ISCA1: variants seen among roughly 807,000 people sequenced by gnomAD.
The protein encoded by ISCA1 is iron-sulfur cluster assembly 1, also known as iron-sulfur cluster assembly 1 homolog, mitochondrial.
A neutral mutation model predicts 14.7 loss-of-function variants in ISCA1; 9 were observed. The ratio of observed to expected loss-of-function variants is 0.61; its 90% CI spans 0.37 to 1.07. The LOEUF (loss-of-function observed/expected upper bound fraction) is 1.07, where lower values mean the gene tolerates loss of function less well. Among genes scored for constraint, ISCA1 ranks in the 50% least tolerant of loss-of-function variants. The pLI, the probability that ISCA1 is intolerant of heterozygous loss-of-function variation, is 0.01. For missense variants in ISCA1, 102 were observed against 150.1 expected, an observed-to-expected ratio of 0.68 and a Z score of 1.67; for synonymous variants, 38 against 54.3, an observed-to-expected ratio of 0.70 and a Z score of 1.32.
At chr9:86,280,531 G>A (rs763763613) in intron 1 of ISCA1, among the ~76,000 whole-genome samples, 3 of 149,996 alleles carry the variant, frequency 2.0e-5, no homozygotes, top group Non-Finnish European at 2.9e-5. Flanking sequence ...GTAGGCAGAG[G>A]CTGCAGTGAG....
chr9:86,266,266 C>A (rs1825292315), intron 3 of ISCA1, 75 bp from the exon 4 acceptor site: 1 of 1,513,782 alleles, frequency 6.6e-7, no homozygotes, highest in Non-Finnish European at 8.8e-7. Flanking sequence ...CACAAGTGAA[C>A]TTGAAATAGT....
At chr9:86,278,016 T>G (rs1485691423) in intron 1 of ISCA1, among the ~76,000 whole-genome samples, 4 of 152,244 alleles carry the variant, frequency 2.6e-5, no homozygotes, top group Admixed American at 1.3e-4. Flanking sequence ...ATCCTGTATT[T>G]CTTTAAGTAA....
intron 1 of ISCA1, among the ~76,000 whole-genome samples, chr9:86,275,158 T>A (rs988921931): frequency 1.3e-5 from 2 of 152,138 alleles, no homozygotes; most frequent in African/African-American, 4.8e-5. Flanking sequence ...ATTAAATATT[T>A]AAACTCATGG....
chr9:86,275,961 C>T (rs1236997732), intron 1 of ISCA1, among the ~76,000 whole-genome samples: 1 of 152,120 alleles, frequency 6.6e-6, no homozygotes, highest in Non-Finnish European at 1.5e-5. Flanking sequence ...GCATCAAGGA[C>T]TGGTTTCGTG....
chr9:86,272,628 CTCTG>C (rs1477168879), intron 2 of ISCA1, among the ~76,000 whole-genome samples: 16 of 152,310 alleles, frequency 1.1e-4, no homozygotes, highest in Non-Finnish European at 2.1e-4. Flanking sequence ...TACCTAAGTT[CTCTG>C]TCTTAGAGCT....
Position 86,274,265 on chromosome 9 carries a change from T to G in ISCA1, c.82-23A>C, listed in dbSNP as rs200978050. 1.4e-5 allele frequency: 21 copies of G among 1,512,498 alleles called. No individual in the cohort carries two copies. The African/African-American group carries it at 2.3e-4, about 17-fold the overall frequency. 93.7% of individuals were successfully genotyped at this position (1,512,498 alleles called of 1,614,324 possible). On this transcript the variant is annotated intron_variant, in intron 1 of 3. Coordinates refer to ENST00000375991, the MANE Select transcript of ISCA1 (RefSeq NM_030940.4). ...TGTCTGAAAAAAGAAAATGATGTTT[T>G]TAGCTACAAAACTTGTTATTCAAAG...
rs1825284543 is a variant in ISCA1, at chr9:86,265,636, A to T, written c.*407T>A. Reference sequence around the variant, plus strand: ...TAAGTTTGGGTGGAAAAAACAATGCACCACCATATTACTACCAGCAGTCAC... The same window carrying T: ...TAAGTTTGGGTGGAAAAAACAATGCTCCACCATATTACTACCAGCAGTCAC... On this transcript the variant is annotated 3_prime_UTR_variant, in exon 4 of 4. Transcript: ENST00000375991. The T allele has an allele frequency of 4.5e-6, 1 of 222,384 alleles. No homozygotes were observed. The highest frequency in any genetic ancestry group is 6.5e-5 in the South Asian group (1 of 15,318). 13.8% of individuals were successfully genotyped at this position (222,384 alleles called of 1,614,324 possible).
intron 3 of ISCA1, among the ~76,000 whole-genome samples, chr9:86,266,602 CTG>C (rs1825295494): frequency 6.6e-6 from 1 of 152,068 alleles, no homozygotes; most frequent in Non-Finnish European, 1.5e-5. Context: ...GTACAAAGGA[CTG>C]TGATACAATG....
At chr9:86,270,043 A>G (rs944087540) in intron 3 of ISCA1, among the ~76,000 whole-genome samples, 5 of 151,786 alleles carry the variant, frequency 3.3e-5, no homozygotes, top group South Asian at 2.1e-4. Flanking sequence ...AAAGGACTTC[A>G]TGTCTAAAAC....
chr9:86,274,117 A>G (rs542545410), intron 2 of ISCA1, 72 bp downstream of exon 2: 64 of 839,892 alleles, frequency 7.6e-5, no homozygotes, highest in Middle Eastern at 3.5e-4. Context: ...ATAATACTGT[A>G]TATCATGGGA....
chr9:86,267,378 C>G, intron 3 of ISCA1: 1 of 858,618 alleles, frequency 1.2e-6, no homozygotes, highest in Non-Finnish European at 1.4e-6. Context: ...TAAAATAATA[C>G]ATTTTTAAAA....
At position 86,272,052 on chromosome 9, in the gene ISCA1, ATTCT is replaced by A; in HGVS notation, c.192_195del (p.Glu65IlefsTer27). The stretch of plus-strand genomic sequence containing the variant: ...TCAGAATCTCCTTTTGTCTTTGTAT[ATTCT>A]AGAGTATAAGAAAGGCCATTACAGC... On this transcript the variant is annotated frameshift_variant, in exon 3 of 4. Coordinates refer to ENST00000375991, the MANE Select transcript of ISCA1 (RefSeq NM_030940.4). LOFTEE classifies it high-confidence loss of function. 6.2e-7 allele frequency: 1 copy of A among 1,607,404 alleles called. No homozygotes were observed. Among genetic ancestry groups the A allele is most frequent in the Non-Finnish European group, 8.5e-7 (1 of 1,174,532 alleles).
At chr9:86,268,615 G>A (rs970538905) in intron 3 of ISCA1, among the ~76,000 whole-genome samples, 13 of 152,074 alleles carry the variant, frequency 8.5e-5, no homozygotes, top group Admixed American at 5.2e-4. Context: ...ACTGACTCAC[G>A]CGGACAACTT....
rs150407372 is a variant in ISCA1 at position 86,276,412 on chromosome 9, G to A, written c.82-2170C>T. The stretch of plus-strand genomic sequence containing the variant: ...TGTAGCGCAGGGACTGGGGACCCCT[G>A]TTCTAAGTGATTGTCAATAAAAGCT... On this transcript the variant is annotated intron_variant, in intron 1 of 3. Transcript: ENST00000375991. Among the ~76,000 whole-genome samples the A allele has an allele frequency of 3.6e-3, 548 of 152,264 alleles. 3 individuals carry two copies. The highest frequency in any genetic ancestry group is 0.013 in the African/African-American group (528 of 41,550).
intron 1 of ISCA1, among the ~76,000 whole-genome samples, chr9:86,280,808 G>A (rs757021582): frequency 1.3e-5 from 2 of 151,846 alleles, no homozygotes; most frequent in Non-Finnish European, 2.9e-5. Context: ...CACACCGGTG[G>A]TCCCAGCGAC....
At chr9:86,269,145 C>T (rs150358937) in intron 3 of ISCA1, among the ~76,000 whole-genome samples, 67 of 152,306 alleles carry the variant, frequency 4.4e-4, no homozygotes, top group African/African-American at 1.3e-3. Context: ...CTGCCTCAGT[C>T]TCCTGAGTAG....
rs759797111 is a variant in ISCA1, at chr9:86,282,055, C to A, written c.81+323G>T. ...GCTTAACCGGAACGGCCGAACAGCG[C>A]AGGCCGGCAGGAGTGTGGAGGCGAT... On this transcript the variant is annotated intron_variant, in intron 1 of 3. Coordinates refer to ENST00000375991, the MANE Select transcript of ISCA1 (RefSeq NM_030940.4). 2.3e-5 allele frequency: 8 copies of A among 354,852 alleles called. No individual in the cohort carries two copies. The East Asian group carries it at 3.2e-4, about 14-fold the overall frequency. The allele number at this position is 354,852 out of a possible 1,614,324, so 22.0% of individuals were successfully genotyped here. A position where few individuals can be genotyped will look rare whatever the true frequency, so the allele number is the denominator to read the frequency against.
intron 1 of ISCA1, among the ~76,000 whole-genome samples, chr9:86,277,283 C>T (rs1003347116): frequency 3.9e-5 from 6 of 152,160 alleles, no homozygotes; most frequent in Non-Finnish European, 5.9e-5. Context: ...TGGGAAGCTG[C>T]TGTTACAGGA....
chr9:86,267,369 A>T (rs933526187), intron 3 of ISCA1: 2 of 853,764 alleles, frequency 2.3e-6, no homozygotes, highest in African/African-American at 1.8e-5. Context: ...TATAATTTTT[A>T]AAATAATACA....
Sources: gnomAD v4.1 joint callset for allele counts (sites outside exome capture counted in the v4.1 genomes callset) on GRCh38, gnomAD v4.1.1 for gene constraint, MANE v1.5 for transcripts, NCBI Gene and HGNC (gene_info 2026-07-23, HGNC 2026-07-21) for gene names.